The following MAP4 variants were observed in gnomAD, a reference collection of about 807,000 sequenced individuals.
The protein encoded by MAP4 is microtubule associated protein 4.
MAP4 carries 76 observed loss-of-function variants against 170.2 expected under a neutral mutation model. The ratio of observed to expected loss-of-function variants is 0.45; its 90% CI spans 0.37 to 0.54. MAP4 has a LOEUF of 0.54. Ranked by LOEUF, MAP4 falls within the 20% of genes least tolerant of loss-of-function variation. The pLI is 0.00. For synonymous variants in MAP4, 909 were observed against 994.5 expected (o/e 0.91, Z 1.62); for missense variants, 2,506 against 2,748.0 (o/e 0.91, Z 1.97).
chr3:48,047,544 T>A (rs1322848374), intron 1 of MAP4, among the ~76,000 whole-genome samples: 1 of 152,102 alleles, frequency 6.6e-6, no homozygotes, highest in Admixed American at 6.6e-5. Flanking sequence ...TAAGGTGGCC[T>A]GGCCCAACAT....
intron 1 of MAP4, among the ~76,000 whole-genome samples, chr3:48,059,962 G>T (rs1008983397): frequency 9.5e-5 from 13 of 137,078 alleles, no homozygotes; most frequent in African/African-American, 3.4e-4. Context: ...CACAGAGTGA[G>T]ACTCTGTCTC....
chr3:47,865,730 G>T (rs1241722197), intron 17 of MAP4, among the ~76,000 whole-genome samples: 1 of 152,178 alleles, frequency 6.6e-6, no homozygotes, highest in Admixed American at 6.5e-5. Flanking sequence ...AGAAACGGAG[G>T]CAAGACAGGC....
chr3:47,897,940 T>A (rs2100027837), intron 10 of MAP4, among the ~76,000 whole-genome samples: 1 of 123,646 alleles, frequency 8.1e-6, no homozygotes, highest in African/African-American at 5.0e-5. Flanking sequence ...AGACTCCATA[T>A]CGGGGGGGGG....
chr3:47,870,586 C>T (rs887401750), intron 15 of MAP4, among the ~76,000 whole-genome samples: 6 of 152,196 alleles, frequency 3.9e-5, no homozygotes, highest in African/African-American at 1.4e-4. Context: ...ACATCTAGAA[C>T]AGGAGCCTTT....
chr3:47,997,707 CAAAGAAAGAAAG>C (rs59915035), intron 2 of MAP4, among the ~76,000 whole-genome samples: 5 of 149,798 alleles, frequency 3.3e-5, no homozygotes, highest in South Asian at 2.1e-4. Context: ...CTAGACTTAT[CAAAGAAAGAAAG>C]AAAGAAAGAA....
intron 10 of MAP4, chr3:47,891,328 C>T: frequency 6.5e-7 from 1 of 1,536,190 alleles, no homozygotes; most frequent in Non-Finnish European, 8.7e-7. Flanking sequence ...CCACTGGTTC[C>T]TCACAGATGA....
intron 2 of MAP4, among the ~76,000 whole-genome samples, chr3:47,983,570 T>C (rs571830747): frequency 2.0e-5 from 3 of 152,200 alleles, no homozygotes; most frequent in South Asian, 2.1e-4. Flanking sequence ...GTATTTTTAG[T>C]AGAAACAGGA....
intron 12 of MAP4, among the ~76,000 whole-genome samples, chr3:47,875,408 A>G (rs914542767): frequency 3.9e-5 from 6 of 152,212 alleles, no homozygotes; most frequent in Admixed American, 2.6e-4. Flanking sequence ...TAAGAGCATA[A>G]AAGGGCTTCA....
At chr3:47,917,444 C>T (rs539131046) in intron 6 of MAP4, among the ~76,000 whole-genome samples, 1 of 151,976 alleles carries the variant, frequency 6.6e-6, no homozygotes, top group Non-Finnish European at 1.5e-5. Context: ...AGAAATTAGC[C>T]ATGCAGTGGC....
At chr3:47,998,981 A>C in intron 1 of MAP4, 102 bp from the exon 2 acceptor site, 1 of 719,934 alleles carries the variant, frequency 1.4e-6, no homozygotes. Context: ...AAGAATCAAA[A>C]TCTAAGATTT....
chr3:47,928,438 G>C, intron 3 of MAP4, 88 bp from the exon 4 acceptor site: 5 of 1,316,760 alleles, frequency 3.8e-6, no homozygotes, highest in Non-Finnish European at 5.3e-6. Flanking sequence ...ATTACAGCTA[G>C]TACAATATAA....
intron 9 of MAP4, 125 bp downstream of exon 9, chr3:47,908,913 G>A (rs2100034519): frequency 6.7e-6 from 7 of 1,043,296 alleles, no homozygotes; most frequent in Admixed American, 2.3e-5. Context: ...TAGGTTTCAT[G>A]CCAACAAACC....
chr3:47,902,875 G>T, intron 10 of MAP4, 75 bp downstream of exon 10: 1 of 604,126 alleles, frequency 1.7e-6, no homozygotes, highest in Non-Finnish European at 2.1e-6. Flanking sequence ...TTTTATTTAT[G>T]TACAAGGGCC....
At chr3:48,043,803 G>C (rs186206561) in intron 1 of MAP4, among the ~76,000 whole-genome samples, 4 of 152,182 alleles carry the variant, frequency 2.6e-5, no homozygotes, top group Non-Finnish European at 5.9e-5. Flanking sequence ...ACCATGCAAA[G>C]TGATCATAAT....
intron 1 of MAP4, among the ~76,000 whole-genome samples, chr3:48,047,893 T>C (rs1003039604): frequency 6.6e-6 from 1 of 152,210 alleles, no homozygotes; most frequent in Non-Finnish European, 1.5e-5. Context: ...GAAAAAATGC[T>C]GGTTCTTTAA....
chr3:47,923,261 G>A (rs149361815), intron 4 of MAP4, among the ~76,000 whole-genome samples: 7 of 151,824 alleles, frequency 4.6e-5, no homozygotes, highest in African/African-American at 1.4e-4. Context: ...AGAGACAGCC[G>A]CATAAAAGCC....
chr3:47,991,051 A>G (rs1281732530), intron 2 of MAP4, among the ~76,000 whole-genome samples: 2 of 152,224 alleles, frequency 1.3e-5, no homozygotes, highest in Admixed American at 1.3e-4. Flanking sequence ...GCAAAAGGAA[A>G]TGAGTATAGT....
At chr3:48,043,859 A>T (rs11919665) in intron 1 of MAP4, among the ~76,000 whole-genome samples, 94,327 of 150,922 alleles carry the variant, frequency 0.63, 29,991 homozygotes, top group East Asian at 0.72. Context: ...TTTTTTTTTT[A>T]AAATTGAGAC....
chr3:48,014,589 G>A (rs539822966), intron 1 of MAP4, among the ~76,000 whole-genome samples: 2 of 152,128 alleles, frequency 1.3e-5, no homozygotes, highest in Admixed American at 6.5e-5. Context: ...AGCCCAGGAG[G>A]TTGAGGCTGC....
Sources: gnomAD v4.1 joint callset for allele counts (sites outside exome capture counted in the v4.1 genomes callset) on GRCh38, gnomAD v4.1.1 for gene constraint, MANE v1.5 for transcripts, NCBI Gene and HGNC (gene_info 2026-07-23, HGNC 2026-07-21) for gene names.